Variants in ARRDC1 observed in about 807,000 individuals in gnomAD.
ARRDC1 encodes arrestin domain-containing protein 1.
In ARRDC1, 37 loss-of-function variants were observed where a neutral mutation model predicts 40.1. The ratio of observed to expected loss-of-function variants is 0.92; its 90% confidence interval spans 0.71 to 1.21. The LOEUF (loss-of-function observed/expected upper bound fraction) is 1.21. Among genes scored for constraint, ARRDC1 ranks in the 50% most tolerant of loss-of-function variants. The pLI, the probability that ARRDC1 is intolerant of heterozygous loss-of-function variation, is 0.00. For missense variants in ARRDC1, 641 were observed against 581.9 expected (o/e 1.10, Z -1.04); for synonymous variants, 310 against 262.5 (o/e 1.18, Z -1.75).
rs1376744212 is a variant in ARRDC1 at position 137,614,602 on chromosome 9, T to G, written c.839T>G (p.Phe280Cys). 1.2e-6 allele frequency: 2 copies of G among 1,612,912 alleles called. No homozygotes were observed. Among genetic ancestry groups the G allele is most frequent in the South Asian group, 2.2e-5 (2 of 91,078 alleles). ...APEATVTLPVFIGNIAVNHAP... is the reference protein window; with the variant it reads ...APEATVTLPVCIGNIAVNHAP... ...GAAGCTACTGTGACCCTCCCGGTCT[T>G]CATTGGCAATATTGCTGTGAACCAT... The change falls in exon 7 of 8, where the codon TTC (phenylalanine) becomes TGC (cysteine). Residue 280 changes from phenylalanine to cysteine, a missense_variant. Coordinates refer to ENST00000371421, the MANE Select transcript of ARRDC1 (RefSeq NM_152285.4).
intron 2 of ARRDC1, 163 bp from the exon 3 acceptor site, chr9:137,613,297 C>T: frequency 1.2e-6 from 1 of 846,618 alleles, no homozygotes; most frequent in African/African-American, 1.7e-5. Context: ...ATCCTCAGTC[C>T]TTCACCCAAG....
chr9:137,606,775 G>T (rs1463580885), intron 1 of ARRDC1, among the ~76,000 whole-genome samples: 2 of 152,180 alleles, frequency 1.3e-5, no homozygotes, highest in Non-Finnish European at 2.9e-5. Context: ...TTGGGGTCTG[G>T]GTGGGGGCAG....
At chr9:137,609,056 G>C (rs533453961) in intron 1 of ARRDC1, among the ~76,000 whole-genome samples, 1 of 152,178 alleles carries the variant, frequency 6.6e-6, no homozygotes, top group South Asian at 2.1e-4. Context: ...GAGCAGTGGC[G>C]TGTGAGGCTC....
chr9:137,612,851 T>C, intron 1 of ARRDC1, 45 bp from the exon 2 acceptor site: 2 of 1,500,324 alleles, frequency 1.3e-6, no homozygotes, highest in Non-Finnish European at 1.8e-6. Context: ...AGCAGGGGCC[T>C]GGGCCGTCGG....
At chr9:137,613,820 T>C in intron 4 of ARRDC1, 51 bp downstream of exon 4, 1 of 1,603,974 alleles carries the variant, frequency 6.2e-7, no homozygotes, top group Non-Finnish European at 8.5e-7. Context: ...TCATGGAGGC[T>C]GGGGAAGAGC....
In ARRDC1 at chr9:137,614,661, C is replaced by T. The variant is rs1307285004; in HGVS notation, c.898C>T (p.Pro300Ser). The T allele has an allele frequency of 1.2e-6, 2 of 1,612,694 alleles. No homozygotes were observed. Among genetic ancestry groups the T allele is most frequent in the East Asian group, 2.2e-5 (1 of 44,838 alleles). Residue 300 changes from proline to serine, a missense_variant, in exon 7 of 8, where the codon CCT (proline) becomes TCT (serine). Physicochemically the swap from Pro to Ser is moderately conservative, Grantham distance 74 (BLOSUM62 -1). Coordinates refer to ENST00000371421, the MANE Select transcript of ARRDC1 (RefSeq NM_152285.4). ...PVSPRPGLGL[P>S]PGAPPLVVPS... ...GAGCCCCCGGCCAGGCCTGGGGCTG[C>T]CTCCTGGGGCCCCACCCCTGGTGGT...
At chr9:137,612,857 G>A (rs750622910) in intron 1 of ARRDC1, 39 bp from the exon 2 acceptor site, 23 of 1,534,490 alleles carry the variant, frequency 1.5e-5, no homozygotes, top group South Asian at 4.5e-5. Flanking sequence ...GGCCTGGGCC[G>A]TCGGCTGGCT....
In ARRDC1 at chr9:137,612,401, CTG is replaced by C. The variant is rs147432127; in HGVS notation, c.119-491_119-490del. ...CCAACGGTGTGCTGACTGTGGAACA[CTG>C]TGTCTGCCTAGGCGGGTCTGGCCAC... On this transcript the variant is annotated intron_variant, in intron 1 of 7. Transcript: ENST00000371421. 8.2e-3 allele frequency: 1,435 copies of C among 174,274 alleles called. 29 individuals carry two copies. Among genetic ancestry groups the C allele is most frequent in the African/African-American group, 0.033 (1,372 of 41,686 alleles). 10.8% of individuals were successfully genotyped at this position (174,274 alleles called of 1,614,324 possible). A position where few individuals can be genotyped will look rare whatever the true frequency, so the allele number is the denominator to read the frequency against.
chr9:137,609,318 T>C (rs1383711254), intron 1 of ARRDC1, among the ~76,000 whole-genome samples: 1 of 152,074 alleles, frequency 6.6e-6, no homozygotes, highest in Non-Finnish European at 1.5e-5. Flanking sequence ...CACCGCAACC[T>C]CTGCCTCCCT....
rs1015783803 is a variant in ARRDC1, at chr9:137,613,550, G to C, written c.280+40G>C. On this transcript the variant is annotated intron_variant, in intron 3 of 7. Transcript: ENST00000371421. ...TGGACAGGCCTGGTGATGACCAACT[G>C]GTCCTGGGAGGTGGGCTCTGCAGGG... is the stretch of plus-strand genomic sequence containing the variant. 3 of 1,613,880 alleles carry C rather than the reference G, an allele frequency of 1.9e-6. No individual in the cohort carries two copies. In the African/African-American group the frequency reaches 4.0e-5, roughly 22 times the overall value.
chr9:137,608,027 G>A (rs1842452520), intron 1 of ARRDC1, among the ~76,000 whole-genome samples: 1 of 152,256 alleles, frequency 6.6e-6, no homozygotes, highest in South Asian at 2.1e-4. Flanking sequence ...CTGTCGCCCA[G>A]GCTGGAGTGT....
At chr9:137,610,427 G>A (rs1297758657) in intron 1 of ARRDC1, among the ~76,000 whole-genome samples, 4 of 151,734 alleles carry the variant, frequency 2.6e-5, no homozygotes, top group Non-Finnish European at 4.4e-5. Context: ...ATGAAGTCTC[G>A]CTCTGTCACC....
chr9:137,610,257 G>A (rs1842491548), intron 1 of ARRDC1, among the ~76,000 whole-genome samples: 2 of 152,182 alleles, frequency 1.3e-5, no homozygotes, highest in South Asian at 4.1e-4. Context: ...TGTGGGTTAG[G>A]AATCTGGACA....
chr9:137,614,791 A>G lies in ARRDC1; in HGVS notation c.1028A>G (p.Gln343Arg), dbSNP rs141969601. Residue 343 changes from glutamine to arginine, a missense_variant, in exon 7 of 8, where the codon CAG becomes CGG. Gln to Arg is a conservative substitution (Grantham distance 43). Coordinates refer to ENST00000371421, the MANE Select transcript of ARRDC1 (RefSeq NM_152285.4). Reference protein sequence around the residue: ...FLSTKSHSQRQPLLATLSSVP... With the variant: ...FLSTKSHSQRRPLLATLSSVP... The stretch of plus-strand genomic sequence containing the variant: ...TCCACCAAGAGCCATTCGCAGCGGC[A>G]GCCCCTGCTGGCCACCTTGAGTTCT... 2.8e-3 allele frequency: 4,532 copies of G among 1,612,226 alleles called. 13 individuals carry two copies. Among genetic ancestry groups the G allele is most frequent in the Non-Finnish European group, 3.6e-3 (4,280 of 1,179,416 alleles).
chr9:137,606,867 T>C (rs1359603903), intron 1 of ARRDC1, among the ~76,000 whole-genome samples: 6 of 152,176 alleles, frequency 3.9e-5, no homozygotes, highest in African/African-American at 9.7e-5. Flanking sequence ...TGGATCCTGG[T>C]TGAGGGCTGT....
At position 137,615,287 on chromosome 9, in the gene ARRDC1, G is replaced by A; in HGVS notation, c.*149G>A. ...TCTGGCATCCGCCCTCTTCTCCCTG[G>A]GGCTGGGGTGGGGGTGGCAGGGAGC... On this transcript the variant is annotated 3_prime_UTR_variant, in exon 8 of 8. Coordinates refer to ENST00000371421, the MANE Select transcript of ARRDC1 (RefSeq NM_152285.4). 1 of 742,104 alleles carries A rather than the reference G, an allele frequency of 1.3e-6. No individual in the cohort carries two copies. Among genetic ancestry groups the A allele is most frequent in the Non-Finnish European group, 2.0e-6 (1 of 490,192 alleles). The allele number at this position is 742,104 out of a possible 1,614,324, so 46.0% of individuals were successfully genotyped here.
rs758409283 is a variant in ARRDC1, at chr9:137,614,493, G to A, written c.795+18G>A. On this transcript the variant is annotated intron_variant, in intron 6 of 7. Transcript: ENST00000371421. The stretch of plus-strand genomic sequence containing the variant: ...ACTTACAGGTTTGGTGCTGCTGGGG[G>A]CTGGGTGGTCTGAGGCCTAGTGGCC... The A allele has an allele frequency of 3.7e-6, 6 of 1,613,026 alleles. No individual in the cohort carries two copies. The African/African-American group carries it at 4.0e-5, about 11-fold the overall frequency.
chr9:137,612,719 C>T lies in ARRDC1; in HGVS notation c.119-177C>T, dbSNP rs1352053007. 3 of 581,644 alleles carry T rather than the reference C, an allele frequency of 5.2e-6. No individual in the cohort carries two copies. The African/African-American group carries it at 5.6e-5, about 11-fold the overall frequency. 36.0% of individuals were successfully genotyped at this position (581,644 alleles called of 1,614,324 possible). A position where few individuals can be genotyped will look rare whatever the true frequency, so the allele number is the denominator to read the frequency against. ...CGCCTGCCTGATTCCCTTGGAGCCC[C>T]CCAAGACAGGAGATGGGCAGATGTC... On this transcript the variant is annotated intron_variant, in intron 1 of 7. Coordinates refer to ENST00000371421, the MANE Select transcript of ARRDC1 (RefSeq NM_152285.4).
chr9:137,614,700 C>A lies in ARRDC1; in HGVS notation c.937C>A (p.Pro313Thr). ...APPLVVPSAP[P>T]QEEAEAEAAA... ...ACCCCTGGTGGTGCCTTCCGCACCA[C>A]CCCAGGAGGAGGCTGAGGCTGAGGC... The change falls in exon 7 of 8, where the codon CCC becomes ACC. Residue 313 changes from proline to threonine, a missense_variant. By Grantham distance (38) the Pro-to-Thr change is conservative. Coordinates refer to ENST00000371421, the MANE Select transcript of ARRDC1 (RefSeq NM_152285.4). The A allele has an allele frequency of 6.2e-7, 1 of 1,610,982 alleles. No homozygotes were observed. Among genetic ancestry groups the A allele is most frequent in the Non-Finnish European group, 8.5e-7 (1 of 1,179,294 alleles).
Sources: gnomAD v4.1 joint callset for allele counts (sites outside exome capture counted in the v4.1 genomes callset) on GRCh38, gnomAD v4.1.1 for gene constraint, MANE v1.5 for transcripts, NCBI Gene and HGNC (gene_info 2026-07-23, HGNC 2026-07-21) for gene names.